TSPAN5: variants seen among roughly 807,000 people sequenced by gnomAD.
TSPAN5 encodes tetraspanin-5.
TSPAN5 carries 10 observed loss-of-function variants against 37.1 expected under a neutral mutation model. The ratio of observed to expected loss-of-function variants is 0.27; its 90% confidence interval spans 0.17 to 0.46. TSPAN5 has a LOEUF of 0.46. Ranked by LOEUF, TSPAN5 falls within the 20% of genes least tolerant of loss-of-function variation. The probability of loss-of-function intolerance (pLI) is 1.00; values close to 1 mark genes in which losing one functional copy is unlikely to be tolerated. For missense variants in TSPAN5, 195 were observed against 326.6 expected, an observed-to-expected ratio of 0.60 and a Z score of 3.11; for synonymous variants, 110 against 118.9, an observed-to-expected ratio of 0.93 and a Z score of 0.48.
At chr4:98,561,963 G>A (rs1417821663) in intron 1 of TSPAN5, among the ~76,000 whole-genome samples, 4 of 152,180 alleles carry the variant, frequency 2.6e-5, no homozygotes, top group African/African-American at 9.7e-5. Context: ...GCAAAGGTAC[G>A]AAACAGCATG....
At chr4:98,482,795 C>T (rs1304527327) in intron 3 of TSPAN5, 2 of 152,088 alleles carry the variant, frequency 1.3e-5, no homozygotes, top group Non-Finnish European at 2.9e-5. Context: ...AAATGAAACC[C>T]CTGAGTTGAG....
intron 1 of TSPAN5, among the ~76,000 whole-genome samples, chr4:98,538,845 TTCAC>T (rs1163643806): frequency 6.6e-6 from 1 of 152,236 alleles, no homozygotes; most frequent in Non-Finnish European, 1.5e-5. Flanking sequence ...TGTAGAAGAA[TTCAC>T]TCAAATTTAT....
At chr4:98,546,288 A>C (rs1045106327) in intron 1 of TSPAN5, among the ~76,000 whole-genome samples, 7 of 152,220 alleles carry the variant, frequency 4.6e-5, no homozygotes, top group African/African-American at 1.4e-4. Context: ...AAAATACATA[A>C]AGTTGGTTCT....
intron 1 of TSPAN5, among the ~76,000 whole-genome samples, chr4:98,517,648 G>A (rs1419292702): frequency 6.6e-6 from 1 of 152,022 alleles, no homozygotes. Context: ...ATGGGGAGGG[G>A]AGAGAAGGGA....
intron 1 of TSPAN5, among the ~76,000 whole-genome samples, chr4:98,559,739 A>G (rs573872134): frequency 6.6e-6 from 1 of 152,326 alleles, no homozygotes; most frequent in Admixed American, 6.5e-5. Context: ...ATCTTCAGAC[A>G]GAGTCTCAAC....
intron 1 of TSPAN5, among the ~76,000 whole-genome samples, chr4:98,532,666 T>A (rs865931286): frequency 2.0e-5 from 3 of 152,206 alleles, no homozygotes; most frequent in East Asian, 1.9e-4. Flanking sequence ...CCTAATTGAA[T>A]AACCTTTATT....
rs1756962773 is a variant in TSPAN5 at position 98,641,576 on chromosome 4, C to T, written c.81+16570G>A. ...GCAAGGTTGATGTTAATCAAAACGA[C>T]TGCGCCAAAACCATTTAGTGGAACC... On this transcript the variant is annotated intron_variant, in intron 1 of 7. Transcript: ENST00000305798. 2.0e-5 allele frequency among the ~76,000 whole-genome samples: 3 copies of T among 152,198 alleles called. No homozygotes were observed. In the South Asian group the frequency reaches 6.2e-4, roughly 31 times the overall value.
intron 1 of TSPAN5, among the ~76,000 whole-genome samples, chr4:98,626,663 C>G (rs756585880): frequency 6.6e-6 from 1 of 152,134 alleles, no homozygotes; most frequent in Non-Finnish European, 1.5e-5. Flanking sequence ...GCTAGCCCCA[C>G]AGCCTGTTCC....
At position 98,529,186 on chromosome 4, in the gene TSPAN5, T is replaced by C. The variant is rs140130867; in HGVS notation, c.82-21458A>G. Among the ~76,000 whole-genome samples the C allele has an allele frequency of 2.6e-5, 4 of 152,348 alleles. No individual in the cohort carries two copies. The East Asian group carries it at 7.7e-4, about 29-fold the overall frequency. On this transcript the variant is annotated intron_variant, in intron 1 of 7. Transcript: ENST00000305798. Reference sequence around the variant, plus strand: ...GCAGGTCTGCCCTTACATCCAAGCATTCATTTATAATGTGGTTGACCACAT... The same window carrying C: ...GCAGGTCTGCCCTTACATCCAAGCACTCATTTATAATGTGGTTGACCACAT...
At chr4:98,489,466 C>T (rs968635566) in intron 2 of TSPAN5, among the ~76,000 whole-genome samples, 3 of 152,184 alleles carry the variant, frequency 2.0e-5, no homozygotes, top group Non-Finnish European at 4.4e-5. Context: ...TGGGCAACCC[C>T]TTTGGGTCCC....
At chr4:98,473,770 TTTTG>T (rs375994113) in intron 7 of TSPAN5, among the ~76,000 whole-genome samples, 378 of 152,256 alleles carry the variant, frequency 2.5e-3, no homozygotes, top group African/African-American at 7.4e-3. Context: ...CTGCCCGTAT[TTTTG>T]TTTGTTTGTT....
chr4:98,513,559 AG>A (rs1368795162), intron 1 of TSPAN5, among the ~76,000 whole-genome samples: 2 of 152,130 alleles, frequency 1.3e-5, no homozygotes, highest in African/African-American at 4.8e-5. Context: ...GGTGGGAGGA[AG>A]GGGAAGGAAA....
intron 1 of TSPAN5, among the ~76,000 whole-genome samples, chr4:98,578,394 C>G (rs1755293103): frequency 6.6e-6 from 1 of 152,000 alleles, no homozygotes. Flanking sequence ...CTTCCCTAGA[C>G]TTTTCTCCTT....
chr4:98,613,538 T>C (rs1338203045), intron 1 of TSPAN5, among the ~76,000 whole-genome samples: 2 of 152,216 alleles, frequency 1.3e-5, no homozygotes, highest in Non-Finnish European at 2.9e-5. Context: ...TATGCAAATA[T>C]GGCCTCTGCA....
chr4:98,601,127 T>C (rs535079609), intron 1 of TSPAN5, among the ~76,000 whole-genome samples: 3 of 152,224 alleles, frequency 2.0e-5, no homozygotes, highest in Non-Finnish European at 4.4e-5. Flanking sequence ...TATAAACAGA[T>C]GTGCTGTCAT....
chr4:98,496,504 C>T (rs896470139), intron 2 of TSPAN5: 4 of 152,314 alleles, frequency 2.6e-5, no homozygotes, highest in African/African-American at 9.6e-5. Context: ...TAGTGAAACT[C>T]AAGTAATCCT....
chr4:98,618,531 A>G (rs1473880127), intron 1 of TSPAN5, among the ~76,000 whole-genome samples: 1 of 151,858 alleles, frequency 6.6e-6, no homozygotes, highest in African/African-American at 2.4e-5. Context: ...GGCTCTTTAT[A>G]TGTACGATTC....
At position 98,637,582 on chromosome 4, in the gene TSPAN5, T is replaced by C. The variant is rs147439381; in HGVS notation, c.81+20564A>G. On this transcript the variant is annotated intron_variant, in intron 1 of 7. Transcript: ENST00000305798. ...GAGCCCTGGGAGTCCTCTTTAAATC[T>C]AGAATCTTAATTTCAGGCCTAATTA... is the stretch of plus-strand genomic sequence containing the variant. Among the ~76,000 whole-genome samples, 359 of 152,352 alleles carry C rather than the reference T, an allele frequency of 2.4e-3. 3 individuals carry two copies. Among genetic ancestry groups the C allele is most frequent in the African/African-American group, 7.7e-3 (322 of 41,580 alleles).
chr4:98,548,836 G>A (rs1034846820), intron 1 of TSPAN5, among the ~76,000 whole-genome samples: 1 of 151,638 alleles, frequency 6.6e-6, no homozygotes, highest in Non-Finnish European at 1.5e-5. Flanking sequence ...CATCCATGTT[G>A]CTCCAAAAGA....
Sources: allele counts gnomAD v4.1 joint callset (sites outside exome capture counted in the v4.1 genomes callset), GRCh38; gene constraint gnomAD v4.1.1; transcripts MANE v1.5; gene names NCBI Gene and HGNC (gene_info 2026-07-23, HGNC 2026-07-21).